The following SYNE2 variants were observed in gnomAD, a reference collection of about 807,000 sequenced individuals.
SYNE2 encodes the protein nesprin-2.
SYNE2 carries 431 observed loss-of-function variants against 856.3 expected under a neutral mutation model. That is an observed-to-expected ratio of 0.50 (90% CI 0.47 to 0.55). The LOEUF (loss-of-function observed/expected upper bound fraction) is 0.55. SYNE2 is among the 20% of genes least tolerant of loss of function. The probability of loss-of-function intolerance (pLI) is 0.00; values close to 1 mark genes in which losing one functional copy is unlikely to be tolerated. For missense variants in SYNE2, 8,129 were observed against 8,023.2 expected, an observed-to-expected ratio of 1.01 and a Z score of -0.50; for synonymous variants, 2,923 against 2,872.3, an observed-to-expected ratio of 1.02 and a Z score of -0.56.
At chr14:63,871,668 GT>G (rs1896888632) in intron 1 of SYNE2, among the ~76,000 whole-genome samples, 6 of 146,230 alleles carry the variant, frequency 4.1e-5, no homozygotes, top group Admixed American at 4.1e-4. Context: ...TAACTTTTAT[GT>G]TTTTTGTAGA....
At chr14:64,167,043 T>A (rs923672187) in intron 90 of SYNE2, 190 bp from the exon 91 acceptor site, 2 of 657,658 alleles carry the variant, frequency 3.0e-6, no homozygotes, top group Non-Finnish European at 5.2e-6. Context: ...AGGTTGGTAT[T>A]CTAGAAGGCA....
chr14:63,872,076 G>A (rs543055857), intron 1 of SYNE2, among the ~76,000 whole-genome samples: 7 of 152,172 alleles, frequency 4.6e-5, no homozygotes, highest in Non-Finnish European at 1.0e-4. Context: ...GTGTGGGCCC[G>A]GCCGTGTCAA....
intron 99 of SYNE2, among the ~76,000 whole-genome samples, chr14:64,197,481 GA>G (rs1291795347): frequency 6.6e-6 from 1 of 152,222 alleles, no homozygotes; most frequent in Non-Finnish European, 1.5e-5. Context: ...TTAGTCATGT[GA>G]AAAGATACAA....
intron 84 of SYNE2, among the ~76,000 whole-genome samples, chr14:64,146,866 G>A (rs2098191827): frequency 6.6e-6 from 1 of 152,206 alleles, no homozygotes; most frequent in Admixed American, 6.5e-5. Flanking sequence ...CCTGCGTGAC[G>A]GCCTTACAAT....
At chr14:63,862,469 C>T (rs1011142786) in intron 1 of SYNE2, among the ~76,000 whole-genome samples, 3 of 152,114 alleles carry the variant, frequency 2.0e-5, no homozygotes, top group Non-Finnish European at 4.4e-5. Context: ...CTTCTGGGCT[C>T]AAGAAATCCT....
intron 1 of SYNE2, among the ~76,000 whole-genome samples, chr14:63,856,403 A>G (rs1247815837): frequency 1.3e-5 from 2 of 152,196 alleles, no homozygotes; most frequent in African/African-American, 2.4e-5. Flanking sequence ...AAATCAAAAG[A>G]CAGTCCCTGT....
intron 100 of SYNE2, among the ~76,000 whole-genome samples, chr14:64,204,835 G>A (rs1466501340): frequency 6.6e-6 from 1 of 152,206 alleles, no homozygotes; most frequent in Non-Finnish European, 1.5e-5. Flanking sequence ...CTGGAGGTTA[G>A]AGATCTGAAA....
intron 1 of SYNE2, among the ~76,000 whole-genome samples, chr14:63,826,443 G>A (rs981912173): frequency 2.0e-5 from 3 of 152,120 alleles, no homozygotes; most frequent in Non-Finnish European, 4.4e-5. Context: ...GGGACTACAG[G>A]CATGTGCCAC....
At chr14:63,853,787 C>CG (rs971896805) in intron 1 of SYNE2, among the ~76,000 whole-genome samples, 13 of 150,422 alleles carry the variant, frequency 8.6e-5, no homozygotes, top group Middle Eastern at 3.4e-3. Context: ...TCCGCGGGGG[C>CG]GGGGGGGCGC....
At chr14:64,215,251 C>A (rs1443741326) in intron 106 of SYNE2, 35 bp from the exon 107 acceptor site, 2 of 1,599,096 alleles carry the variant, frequency 1.3e-6, no homozygotes, top group Non-Finnish European at 1.7e-6. Context: ...TCTTCAGGCA[C>A]CTCCAGTGAG....
chr14:63,838,063 T>C (rs1237674123), intron 1 of SYNE2, among the ~76,000 whole-genome samples: 1 of 151,146 alleles, frequency 6.6e-6, no homozygotes, highest in Non-Finnish European at 1.5e-5. Flanking sequence ...GACAATGAAA[T>C]GGCGAAAATT....
intron 59 of SYNE2, among the ~76,000 whole-genome samples, chr14:64,089,948 G>A (rs1451096737): frequency 6.6e-6 from 1 of 152,168 alleles, no homozygotes; most frequent in African/African-American, 2.4e-5. Flanking sequence ...CCTAATTCAG[G>A]CTGAACTGGG....
chr14:63,982,576 A>G, intron 16 of SYNE2, 54 bp from the exon 17 acceptor site: 1 of 1,563,068 alleles, frequency 6.4e-7, no homozygotes, highest in Non-Finnish European at 8.8e-7. Flanking sequence ...ATTATACATA[A>G]TAGAAAGACA....
intron 1 of SYNE2, among the ~76,000 whole-genome samples, chr14:63,869,563 G>C (rs1045197203): frequency 8.6e-5 from 13 of 151,070 alleles, no homozygotes; most frequent in Middle Eastern, 3.4e-3. Flanking sequence ...GTGGGGGAAG[G>C]GGGCAGAGGT....
chr14:63,832,747 G>T (rs1360711792), intron 1 of SYNE2, among the ~76,000 whole-genome samples: 2 of 151,196 alleles, frequency 1.3e-5, no homozygotes, highest in African/African-American at 4.9e-5. Context: ...TAATAATGCA[G>T]ACCGGGTGCC....
intron 51 of SYNE2, among the ~76,000 whole-genome samples, chr14:64,068,246 C>G (rs2097372816): frequency 6.6e-6 from 1 of 152,154 alleles, no homozygotes; most frequent in African/African-American, 2.4e-5. Flanking sequence ...TAAGACAATT[C>G]TGTCACCCTA....
chr14:64,030,976 C>T (rs1456628727), intron 44 of SYNE2, 40 bp from the exon 45 acceptor site: 2 of 1,438,000 alleles, frequency 1.4e-6, no homozygotes, highest in African/African-American at 2.8e-5. Flanking sequence ...ACTTTTGTGG[C>T]AATTGAATGG....
At chr14:64,106,854 G>C (rs980941975) in intron 64 of SYNE2, among the ~76,000 whole-genome samples, 2 of 152,060 alleles carry the variant, frequency 1.3e-5, no homozygotes, top group Middle Eastern at 3.2e-3. Context: ...ATTGTTAGGG[G>C]TGATACAAGG....
chr14:64,146,331 C>G (rs1377364048), intron 84 of SYNE2, 108 bp downstream of exon 84: 1 of 1,034,526 alleles, frequency 9.7e-7, no homozygotes, highest in East Asian at 2.7e-5. Context: ...TCTTCCAGCT[C>G]CCCTCTATTT....
Sources: gnomAD v4.1 joint callset for allele counts (sites outside exome capture counted in the v4.1 genomes callset) on GRCh38, gnomAD v4.1.1 for gene constraint, MANE v1.5 for transcripts, NCBI Gene and HGNC (gene_info 2026-07-23, HGNC 2026-07-21) for gene names.